The following LYPLA1 variants were observed in gnomAD, a reference collection of about 807,000 sequenced individuals.
LYPLA1 encodes acyl-protein thioesterase 1.
Under a neutral mutation model 34.0 loss-of-function variants are expected in LYPLA1, and 17 were observed. That is an observed-to-expected ratio of 0.50 (90% CI 0.34 to 0.75). The LOEUF is 0.75. LYPLA1 is among the 30% of genes least tolerant of loss of function. LYPLA1 has a pLI of 0.01. For synonymous variants in LYPLA1, 98 were observed against 100.8 expected (o/e 0.97, Z 0.17); for missense variants, 203 against 288.8 (o/e 0.70, Z 2.15).
chr8:54,081,327 C>T (rs1808302066), intron 2 of LYPLA1, among the ~76,000 whole-genome samples: 2 of 151,972 alleles, frequency 1.3e-5, no homozygotes, highest in African/African-American at 4.8e-5. Flanking sequence ...GTCTTAACCA[C>T]ATAGACCCTT....
chr8:54,050,748 TTTCTATTAAATTTTATCTTAAA>T (rs1177765552), intron 8 of LYPLA1, among the ~76,000 whole-genome samples: 1 of 152,222 alleles, frequency 6.6e-6, no homozygotes, highest in East Asian at 1.9e-4. Flanking sequence ...GACATGCATC[TTTCTATTAAATTTTATCTTAAA>T]TTTTAATGAA....
intron 5 of LYPLA1, among the ~76,000 whole-genome samples, chr8:54,058,473 G>A (rs1473898061): frequency 6.6e-6 from 1 of 152,148 alleles, no homozygotes; most frequent in African/African-American, 2.4e-5. Flanking sequence ...GAACCCAGGA[G>A]GTGGAGGTTG....
At chr8:54,074,352 A>G (rs1807731360) in intron 2 of LYPLA1, among the ~76,000 whole-genome samples, 1 of 152,230 alleles carries the variant, frequency 6.6e-6, no homozygotes, top group South Asian at 2.1e-4. Context: ...TTCCTGCAGT[A>G]AACAACCTGC....
intron 2 of LYPLA1, among the ~76,000 whole-genome samples, chr8:54,092,202 G>A (rs947911843): frequency 7.3e-5 from 11 of 150,762 alleles, no homozygotes; most frequent in African/African-American, 2.7e-4. Flanking sequence ...AGGAGGAGGA[G>A]AAAGACGGAA....
At position 54,085,853 on chromosome 8, in the gene LYPLA1, T is replaced by TG. The variant is rs1217130245; in HGVS notation, c.101+15054dup. The stretch of plus-strand genomic sequence containing the variant: ...CCGGCCAGCCGCCCCGTCCGCGAGG[T>TG]GGGGGGGGCGCCTCTGCCCAGCCGC... On this transcript the variant is annotated intron_variant, in intron 2 of 8. Coordinates refer to ENST00000316963, the MANE Select transcript of LYPLA1 (RefSeq NM_006330.4). Among the ~76,000 whole-genome samples the TG allele has an allele frequency of 3.9e-3, 506 of 131,174 alleles. 1 individual carries two copies. Among genetic ancestry groups the TG allele is most frequent in the Non-Finnish European group, 6.0e-3 (359 of 60,280 alleles). 86.1% of individuals were successfully genotyped at this position (131,174 alleles called of 152,430 possible). A position where few individuals can be genotyped will look rare whatever the true frequency, so the allele number is the denominator to read the frequency against.
At chr8:54,051,405 C>T (rs1805836098) in intron 7 of LYPLA1, among the ~76,000 whole-genome samples, 1 of 152,116 alleles carries the variant, frequency 6.6e-6, no homozygotes, top group Non-Finnish European at 1.5e-5. Context: ...TATATCTTCC[C>T]AGTGAATGAG....
At chr8:54,089,963 G>T (rs1428788889) in intron 2 of LYPLA1, among the ~76,000 whole-genome samples, 3 of 152,224 alleles carry the variant, frequency 2.0e-5, no homozygotes, top group Non-Finnish European at 2.9e-5. Context: ...ATGCAGGATT[G>T]TGTAAAGACA....
intron 2 of LYPLA1, among the ~76,000 whole-genome samples, chr8:54,092,356 G>A (rs1025336525): frequency 6.6e-6 from 1 of 151,616 alleles, no homozygotes; most frequent in Non-Finnish European, 1.5e-5. Flanking sequence ...AAGAGGAGGA[G>A]AAGGAGAAGG....
chr8:54,052,764 G>C lies in LYPLA1; in HGVS notation c.361-8C>G, dbSNP rs778309881. The C allele has an allele frequency of 1.8e-5, 28 of 1,568,164 alleles. 1 individual carries two copies. Among genetic ancestry groups the C allele is most frequent in the Non-Finnish European group, 2.4e-5 (27 of 1,139,114 alleles). The stretch of plus-strand genomic sequence containing the variant: ...TAAAGATAAAGCTCCTCCCTGAAAA[G>C]ACAAGCAGGGAAAGTCAATGGAACA... On this transcript the variant is annotated splice_polypyrimidine_tract_variant and splice_region_variant and intron_variant, in intron 6 of 8. Transcript: ENST00000316963.
At chr8:54,072,194 T>C (rs989030324) in intron 2 of LYPLA1, among the ~76,000 whole-genome samples, 4 of 152,156 alleles carry the variant, frequency 2.6e-5, no homozygotes, top group African/African-American at 7.2e-5. Context: ...ATGCAGATGA[T>C]AGAAACTGGA....
rs1306175563 is a variant in LYPLA1 at position 54,061,086 on chromosome 8, AT to A, written c.286+1167del. On this transcript the variant is annotated intron_variant, in intron 5 of 8. Transcript: ENST00000316963. The stretch of plus-strand genomic sequence containing the variant: ...TTAATGAAGATAACTGGCCAAAACT[AT>A]TTTTTTTTTTGAGACAGAGTTTCAT... Among the ~76,000 whole-genome samples the A allele has an allele frequency of 2.6e-4, 37 of 144,928 alleles. 1 individual carries two copies. The highest frequency in any genetic ancestry group is 2.5e-4 in the African/African-American group (10 of 39,708).
At chr8:54,099,245 G>C (rs1323673026) in intron 2 of LYPLA1, among the ~76,000 whole-genome samples, 1 of 152,046 alleles carries the variant, frequency 6.6e-6, no homozygotes, top group African/African-American at 2.4e-5. Context: ...CCATAAAATA[G>C]AGATTCTGCT....
intron 5 of LYPLA1, among the ~76,000 whole-genome samples, chr8:54,058,127 T>TTG (rs1806339884): frequency 1.3e-5 from 2 of 152,230 alleles, no homozygotes; most frequent in Non-Finnish European, 1.5e-5. Flanking sequence ...TACCTAAAAG[T>TTG]TGTCATTTTA....
At chr8:54,087,341 T>C (rs573316966) in intron 2 of LYPLA1, among the ~76,000 whole-genome samples, 1 of 152,176 alleles carries the variant, frequency 6.6e-6, no homozygotes, top group Non-Finnish European at 1.5e-5. Context: ...AGTGAAGGAC[T>C]TGAAAACTGG....
At chr8:54,052,202 T>C (rs1233476616) in intron 7 of LYPLA1, among the ~76,000 whole-genome samples, 2 of 152,196 alleles carry the variant, frequency 1.3e-5, no homozygotes, top group African/African-American at 4.8e-5. Context: ...TTTTCATATA[T>C]ATCCTAAAAT....
At chr8:54,067,544 T>A (rs978038033) in intron 2 of LYPLA1, among the ~76,000 whole-genome samples, 2 of 152,178 alleles carry the variant, frequency 1.3e-5, no homozygotes, top group African/African-American at 4.8e-5. Context: ...GATGCACATT[T>A]TACAAAACAG....
chr8:54,062,523 AT>A (rs2129332980), intron 4 of LYPLA1, among the ~76,000 whole-genome samples, 199 bp from the exon 5 acceptor site: 2 of 150,470 alleles, frequency 1.3e-5, no homozygotes, highest in South Asian at 4.2e-4. Flanking sequence ...TTATTTATTT[AT>A]TTTTTGAGAC....
At chr8:54,058,717 C>T (rs188883697) in intron 5 of LYPLA1, among the ~76,000 whole-genome samples, 1 of 151,908 alleles carries the variant, frequency 6.6e-6, no homozygotes. Flanking sequence ...CTGAGGGGGC[C>T]ACAGACATGC....
chr8:54,057,051 G>T (rs972009172), intron 5 of LYPLA1, among the ~76,000 whole-genome samples: 1 of 152,138 alleles, frequency 6.6e-6, no homozygotes, highest in African/African-American at 2.4e-5. Context: ...AAACTACAAT[G>T]AAATATCGTC....
Sources: allele counts gnomAD v4.1 joint callset (sites outside exome capture counted in the v4.1 genomes callset), GRCh38; gene constraint gnomAD v4.1.1; transcripts MANE v1.5; gene names NCBI Gene and HGNC (gene_info 2026-07-23, HGNC 2026-07-21).